DLGAP1: variants seen among roughly 807,000 people sequenced by gnomAD.
DLGAP1 encodes disks large-associated protein 1.
A neutral mutation model predicts 90.8 loss-of-function variants in DLGAP1; 11 were observed. The ratio of observed to expected loss-of-function variants is 0.12; its 90% CI spans 0.08 to 0.20. The LOEUF (loss-of-function observed/expected upper bound fraction) is 0.20, where lower values mean the gene tolerates loss of function less well. DLGAP1 is among the 10% of genes least tolerant of loss of function. The pLI, the probability that DLGAP1 is intolerant of heterozygous loss-of-function variation, is 1.00. For synonymous variants in DLGAP1, 558 were observed against 540.7 expected (o/e 1.03, Z -0.44); for missense variants, 1,050 against 1,333.8 (o/e 0.79, Z 3.31).
chr18:3,537,220 C>G (rs1398118586), intron 9 of DLGAP1, among the ~76,000 whole-genome samples: 7 of 152,160 alleles, frequency 4.6e-5, no homozygotes. Flanking sequence ...CTCATCTTTT[C>G]CAACTGAAAC....
chr18:3,630,711 G>C (rs1020968147), intron 7 of DLGAP1, among the ~76,000 whole-genome samples: 1 of 152,128 alleles, frequency 6.6e-6, no homozygotes, highest in African/African-American at 2.4e-5. Flanking sequence ...TCTGTAGTCT[G>C]TTCTGTTGGG....
At chr18:4,224,415 G>A (rs777652864) in intron 1 of DLGAP1, among the ~76,000 whole-genome samples, 5 of 152,156 alleles carry the variant, frequency 3.3e-5, no homozygotes, top group Non-Finnish European at 7.3e-5. Context: ...GTGATACCAG[G>A]CTAAGCTCTT....
chr18:3,514,610 C>T (rs1424402625), intron 10 of DLGAP1, among the ~76,000 whole-genome samples: 1 of 152,120 alleles, frequency 6.6e-6, no homozygotes, highest in Non-Finnish European at 1.5e-5. Flanking sequence ...CAGACCACTA[C>T]AATAAATGAA....
intron 1 of DLGAP1, among the ~76,000 whole-genome samples, chr18:4,222,725 G>T (rs979740298): frequency 2.8e-5 from 4 of 141,778 alleles, no homozygotes; most frequent in Non-Finnish European, 6.2e-5. Flanking sequence ...AATTCCAAAA[G>T]ATATGTTTTA....
intron 5 of DLGAP1, among the ~76,000 whole-genome samples, chr18:3,746,217 T>C (rs1336336717): frequency 6.6e-6 from 1 of 152,164 alleles, no homozygotes; most frequent in Non-Finnish European, 1.5e-5. Flanking sequence ...ACTAAGCATA[T>C]AGATGAAAAA....
In DLGAP1 at chr18:3,874,875, C is replaced by T. The variant is rs1481012673; in HGVS notation, c.957+4237G>A. Reference sequence around the variant, plus strand: ...GAGTGAGCACTTATCACTCATAATACAATTGACCGTATTAACTGGGACTTG... The same window carrying T: ...GAGTGAGCACTTATCACTCATAATATAATTGACCGTATTAACTGGGACTTG... On this transcript the variant is annotated intron_variant, in intron 4 of 12. Transcript: ENST00000315677. 3 of 907,446 alleles carry T rather than the reference C, an allele frequency of 3.3e-6. No homozygotes were observed. The South Asian group carries it at 1.1e-4, about 33-fold the overall frequency. The allele number at this position is 907,446 out of a possible 1,614,324, so 56.2% of individuals were successfully genotyped here.
At chr18:3,690,011 AT>A (rs34963311) in intron 7 of DLGAP1, among the ~76,000 whole-genome samples, 4 of 144,606 alleles carry the variant, frequency 2.8e-5, no homozygotes, top group South Asian at 2.2e-4. Flanking sequence ...CTTGATTCCC[AT>A]TTTTTTTTTG....
chr18:4,038,351 A>T (rs922446086), intron 2 of DLGAP1, among the ~76,000 whole-genome samples: 1 of 152,336 alleles, frequency 6.6e-6, no homozygotes. Context: ...CACACTCTTG[A>T]AGGTAATATG....
intron 4 of DLGAP1, among the ~76,000 whole-genome samples, chr18:3,852,169 C>G (rs774771823): frequency 5.3e-5 from 8 of 151,944 alleles, no homozygotes; most frequent in Non-Finnish European, 8.8e-5. Context: ...AATAAAAAAG[C>G]CTTAAATCTA....
At chr18:3,618,874 G>GC (rs1555603415) in intron 7 of DLGAP1, among the ~76,000 whole-genome samples, 3 of 150,526 alleles carry the variant, frequency 2.0e-5, no homozygotes, top group Non-Finnish European at 3.0e-5. Context: ...GGGAAGCGGA[G>GC]CTGGCAGTGA....
chr18:3,862,892 G>T (rs2070166760), intron 4 of DLGAP1, among the ~76,000 whole-genome samples: 1 of 152,264 alleles, frequency 6.6e-6, no homozygotes, highest in African/African-American at 2.4e-5. Flanking sequence ...CCCTCACTGG[G>T]CCTCCCTGCC....
intron 7 of DLGAP1, among the ~76,000 whole-genome samples, chr18:3,637,012 T>C (rs2058744407): frequency 6.6e-6 from 1 of 151,980 alleles, no homozygotes; most frequent in Non-Finnish European, 1.5e-5. Flanking sequence ...CGTTAGCCAC[T>C]GCGCCCGGCC....
At chr18:4,100,253 T>C (rs562473883) in intron 2 of DLGAP1, among the ~76,000 whole-genome samples, 3 of 152,330 alleles carry the variant, frequency 2.0e-5, no homozygotes, top group African/African-American at 4.8e-5. Flanking sequence ...AGCATGGATA[T>C]TGTGTTAACA....
intron 2 of DLGAP1, among the ~76,000 whole-genome samples, chr18:4,136,372 C>A (rs977057237): frequency 1.3e-5 from 2 of 152,118 alleles, no homozygotes; most frequent in African/African-American, 2.4e-5. Flanking sequence ...GCACTGGTTT[C>A]CCTTTTCCCC....
rs146446458 is a variant in DLGAP1, at chr18:4,362,823, G to A, written c.-267+92183C>T. Among the ~76,000 whole-genome samples the A allele has an allele frequency of 4.6e-3, 698 of 152,082 alleles. 2 individuals carry two copies. Among genetic ancestry groups the A allele is most frequent in the Middle Eastern group, 0.02 (6 of 294 alleles). ...TCAGGACTCTGAAAAATCAAACAAA[G>A]ACATACAAGCAACTGAAAGGCATTT... On this transcript the variant is annotated intron_variant, in intron 1 of 12. Coordinates refer to ENST00000315677, the MANE Select transcript of DLGAP1 (RefSeq NM_004746.4).
At chr18:4,248,170 T>C (rs2145175898) in intron 1 of DLGAP1, among the ~76,000 whole-genome samples, 1 of 152,272 alleles carries the variant, frequency 6.6e-6, no homozygotes, top group Middle Eastern at 3.4e-3. Flanking sequence ...AAGCCTATCT[T>C]GGGGTTCCTG....
chr18:4,256,423 A>G (rs917442675), intron 1 of DLGAP1, among the ~76,000 whole-genome samples: 1 of 152,212 alleles, frequency 6.6e-6, no homozygotes, highest in Non-Finnish European at 1.5e-5. Context: ...AATACATAAA[A>G]TAAAACAAAA....
chr18:4,185,598 A>T (rs182060536), intron 1 of DLGAP1, among the ~76,000 whole-genome samples: 207 of 152,110 alleles, frequency 1.4e-3, no homozygotes, highest in African/African-American at 4.0e-3. Context: ...TTTCTTTTTT[A>T]TAGCTGCATA....
chr18:4,216,301 CA>C (rs927130506), intron 1 of DLGAP1, among the ~76,000 whole-genome samples: 2 of 148,296 alleles, frequency 1.3e-5, no homozygotes, highest in Admixed American at 6.8e-5. Flanking sequence ...ACCCCCCCCC[CA>C]CCAGGTCCCT....
Sources: allele counts gnomAD v4.1 joint callset (sites outside exome capture counted in the v4.1 genomes callset), GRCh38; gene constraint gnomAD v4.1.1; transcripts MANE v1.5; gene names NCBI Gene and HGNC (gene_info 2026-07-23, HGNC 2026-07-21).